Variants in USP47 observed in about 807,000 individuals in gnomAD.
The protein encoded by USP47 is ubiquitin carboxyl-terminal hydrolase 47.
A neutral mutation model predicts 165.1 loss-of-function variants in USP47; 35 were observed. The observed-to-expected ratio is 0.21, with a 90% CI of 0.16 to 0.28. The LOEUF (loss-of-function observed/expected upper bound fraction) is 0.28. Among genes scored for constraint, USP47 ranks in the 10% least tolerant of loss-of-function variants. The probability of loss-of-function intolerance (pLI) is 1.00; values close to 1 mark genes in which losing one functional copy is unlikely to be tolerated. For missense variants in USP47, 1,277 were observed against 1,607.4 expected (o/e 0.79, Z 3.52); for synonymous variants, 531 against 544.5 (o/e 0.98, Z 0.35).
chr11:11,921,583 G>A lies in USP47; in HGVS notation c.1218+1089G>A, dbSNP rs1023945849. ...TTAAAATAATGTCTCAGACAGTTGC[G>A]CTTAAGCTAGGAAATCTACCCAAAG... On this transcript the variant is annotated intron_variant, in intron 10 of 27. Transcript: ENST00000527733. Among the ~76,000 whole-genome samples the A allele has an allele frequency of 3.3e-5, 5 of 151,846 alleles. No homozygotes were observed. The South Asian group carries it at 6.2e-4, about 19-fold the overall frequency.
chr11:11,868,022 C>G (rs375083316), intron 1 of USP47, among the ~76,000 whole-genome samples: 15 of 152,216 alleles, frequency 9.9e-5, no homozygotes, highest in African/African-American at 3.4e-4. Flanking sequence ...CTTTCAGTCT[C>G]TAGGAAGGAG....
chr11:11,879,017 A>C (rs918565345), intron 1 of USP47, among the ~76,000 whole-genome samples: 1 of 152,198 alleles, frequency 6.6e-6, no homozygotes, highest in East Asian at 1.9e-4. Context: ...TGAATAGCCC[A>C]TTATGGAGAT....
intron 5 of USP47, among the ~76,000 whole-genome samples, chr11:11,898,546 T>C (rs925676501): frequency 3.9e-5 from 6 of 152,104 alleles, no homozygotes; most frequent in African/African-American, 1.4e-4. Flanking sequence ...TCTGTATGCA[T>C]GTATTGCCCT....
At chr11:11,893,876 A>G (rs72856386) in intron 4 of USP47, among the ~76,000 whole-genome samples, 19,499 of 152,174 alleles carry the variant, frequency 0.13, 1,595 homozygotes, top group Middle Eastern at 0.39. Flanking sequence ...TTCGTTTACT[A>G]TATTTTGTAA....
At chr11:11,852,630 A>G (rs1360001290) in intron 1 of USP47, among the ~76,000 whole-genome samples, 1 of 152,158 alleles carries the variant, frequency 6.6e-6, no homozygotes, top group Non-Finnish European at 1.5e-5. Context: ...CTAGGCTAAC[A>G]TGGAATTCAG....
intron 1 of USP47, among the ~76,000 whole-genome samples, chr11:11,877,165 T>C (rs1850485407): frequency 6.6e-6 from 1 of 152,170 alleles, no homozygotes; most frequent in African/African-American, 2.4e-5. Flanking sequence ...AAAAAAACTA[T>C]TGCCATATCT....
At chr11:11,847,498 C>T (rs1425506027) in intron 1 of USP47, among the ~76,000 whole-genome samples, 5 of 152,108 alleles carry the variant, frequency 3.3e-5, no homozygotes, top group African/African-American at 1.2e-4. Flanking sequence ...TAGGTAATAT[C>T]GAACTTATTT....
chr11:11,918,383 G>C (rs1047538844), intron 8 of USP47, among the ~76,000 whole-genome samples: 1 of 152,046 alleles, frequency 6.6e-6, no homozygotes, highest in Non-Finnish European at 1.5e-5. Flanking sequence ...TGTACTAGAT[G>C]GAGAGAAATA....
At chr11:11,857,446 ATATT>A (rs1462628201) in intron 1 of USP47, among the ~76,000 whole-genome samples, 2 of 151,008 alleles carry the variant, frequency 1.3e-5, no homozygotes, top group East Asian at 1.9e-4. Flanking sequence ...ATGTCTTGAA[ATATT>A]TATTTACCTT....
At chr11:11,930,890 T>C (rs906357696) in intron 14 of USP47, 139 bp downstream of exon 14, 13 of 625,614 alleles carry the variant, frequency 2.1e-5, no homozygotes, top group Non-Finnish European at 3.4e-5. Context: ...TTACAAAGAC[T>C]GTTACAAAAT....
At chr11:11,851,775 G>C (rs570599954) in intron 1 of USP47, among the ~76,000 whole-genome samples, 4 of 152,156 alleles carry the variant, frequency 2.6e-5, no homozygotes, top group African/African-American at 7.2e-5. Context: ...TCAAGATCTT[G>C]ACACTTTTGA....
chr11:11,901,889 G>A (rs551909482), intron 5 of USP47, among the ~76,000 whole-genome samples: 12 of 150,862 alleles, frequency 8.0e-5, no homozygotes, highest in African/African-American at 2.9e-4. Context: ...AAACCAGGAG[G>A]CAGAGATTGC....
chr11:11,887,624 A>G (rs1364874425), intron 3 of USP47, among the ~76,000 whole-genome samples: 2 of 152,252 alleles, frequency 1.3e-5, no homozygotes, highest in East Asian at 3.9e-4. Flanking sequence ...CACAATAACA[A>G]TGGGAGACTT....
rs1853728490 is a variant in USP47, at chr11:11,920,194, G to C, written c.1008G>C (p.Leu336=). The change falls in exon 9 of 28, where the codon CTG becomes CTC. Residue 336 remains leucine, a synonymous_variant. Transcript: ENST00000527733. ...ATGCATTTATTCAGCCAGAGATTCT[G>C]GATGGCCCAAATCAGTATTTTTGTG... ...ALHAFIQPEI[L]DGPNQYFCER... 2 of 1,607,004 alleles carry C rather than the reference G, an allele frequency of 1.2e-6. No individual in the cohort carries two copies. The highest frequency in any genetic ancestry group is 1.7e-6 in the Non-Finnish European group (2 of 1,176,322).
intron 10 of USP47, among the ~76,000 whole-genome samples, chr11:11,920,699 A>T (rs1277395318): frequency 6.6e-6 from 1 of 151,872 alleles, no homozygotes; most frequent in Non-Finnish European, 1.5e-5. Context: ...TTATATTTTA[A>T]ATATTCTTGT....
At chr11:11,845,642 G>A (rs2134109281) in intron 1 of USP47, among the ~76,000 whole-genome samples, 1 of 152,252 alleles carries the variant, frequency 6.6e-6, no homozygotes, top group South Asian at 2.1e-4. Flanking sequence ...TGTCTTTCCT[G>A]GAGCAGATAT....
intron 19 of USP47, 23 bp from the exon 20 acceptor site, chr11:11,942,312 T>G: frequency 6.5e-7 from 1 of 1,543,276 alleles, no homozygotes; most frequent in Non-Finnish European, 8.7e-7. Flanking sequence ...TAATATATAA[T>G]AAAACTCTGA....
intron 1 of USP47, among the ~76,000 whole-genome samples, chr11:11,873,585 A>G (rs1188213830): frequency 2.0e-5 from 3 of 152,070 alleles, no homozygotes; most frequent in Non-Finnish European, 2.9e-5. Context: ...TAAAATGGCT[A>G]TTTCCATATT....
At position 11,927,568 on chromosome 11, in the gene USP47, A is replaced by G. The variant is rs191371347; in HGVS notation, c.1387-1866A>G. 1.3e-3 allele frequency among the ~76,000 whole-genome samples: 203 copies of G among 152,196 alleles called. 1 individual carries two copies. The highest frequency in any genetic ancestry group is 4.6e-3 in the African/African-American group (193 of 41,550). On this transcript the variant is annotated intron_variant, in intron 11 of 27. Transcript: ENST00000527733. The stretch of plus-strand genomic sequence containing the variant: ...CCAAATGATCTAGATTTTAGTTCTT[A>G]CTTTGCTATTAATAAACTGTATCAC...
Sources: gnomAD v4.1 joint callset for allele counts (sites outside exome capture counted in the v4.1 genomes callset) on GRCh38, gnomAD v4.1.1 for gene constraint, MANE v1.5 for transcripts, NCBI Gene and HGNC (gene_info 2026-07-23, HGNC 2026-07-21) for gene names.